Variants in TP73 observed in about 807,000 individuals in gnomAD.
TP73 encodes p53-like transcription factor.
TP73 carries 25 observed loss-of-function variants against 62.5 expected under a neutral mutation model. The observed-to-expected ratio is 0.40, with a 90% CI of 0.29 to 0.56. The LOEUF (loss-of-function observed/expected upper bound fraction) is 0.56, where lower values mean the gene tolerates loss of function less well. Among genes scored for constraint, TP73 ranks in the 20% least tolerant of loss-of-function variants. The pLI, the probability that TP73 is intolerant of heterozygous loss-of-function variation, is 0.46. For synonymous variants in TP73, 423 were observed against 377.5 expected, an observed-to-expected ratio of 1.12 and a Z score of -1.40; for missense variants, 754 against 913.3, an observed-to-expected ratio of 0.83 and a Z score of 2.25.
At chr1:3,682,521 A>G in intron 2 of TP73, 91 bp downstream of exon 2, 1 of 1,260,084 alleles carries the variant, frequency 7.9e-7, no homozygotes, top group Non-Finnish European at 1.0e-6. Flanking sequence ...ACTGGGCCAG[A>G]GCAGGAGGGG....
chr1:3,707,685 C>G lies in TP73; in HGVS notation c.323C>G (p.Thr108Ser), dbSNP rs776547655. ...PYAQPSSTFDTMSPAPVIPSN... is the reference protein window; with the variant it reads ...PYAQPSSTFDSMSPAPVIPSN... ...GCACAACCCAGCTCCACCTTCGACACCATGTCGCCGGCGCCTGTCATCCCC... is the reference window on the plus strand; with the variant it reads ...GCACAACCCAGCTCCACCTTCGACAGCATGTCGCCGGCGCCTGTCATCCCC... The change falls in exon 4 of 14, where the codon ACC (threonine) becomes AGC (serine). Residue 108 changes from threonine to serine, a missense_variant. Around this residue, in one of 3 missense-constraint regions of TP73, gnomAD observed 235 missense variants for 251.4 expected, o/e 0.93. Coordinates refer to ENST00000378295, the MANE Select transcript of TP73 (RefSeq NM_005427.4). 6.2e-7 allele frequency: 1 copy of G among 1,613,268 alleles called. No homozygotes were observed. Among genetic ancestry groups the G allele is most frequent in the Non-Finnish European group, 8.5e-7 (1 of 1,179,962 alleles).
At chr1:3,671,883 G>A (rs752853314) in intron 1 of TP73, among the ~76,000 whole-genome samples, 5 of 152,096 alleles carry the variant, frequency 3.3e-5, no homozygotes, top group Admixed American at 6.5e-5. Context: ...GGGAGGTCAC[G>A]GGGCTGAGCG....
chr1:3,723,535 C>T (rs1641272558), intron 6 of TP73, 66 bp downstream of exon 6: 7 of 770,472 alleles, frequency 9.1e-6, no homozygotes, highest in South Asian at 4.2e-5. Context: ...GGAGGGGTCC[C>T]CTGAGGCAGC....
intron 4 of TP73, among the ~76,000 whole-genome samples, chr1:3,715,308 C>T (rs1640501642): frequency 6.6e-6 from 1 of 152,110 alleles, no homozygotes; most frequent in South Asian, 2.1e-4. Context: ...CTCTGCAGTG[C>T]CCAGTCTTCC....
rs1431217220 is a variant in TP73, at chr1:3,670,852, C to T, written c.-33-11481C>T. ...CATGGATTCTGTCATCGCTTCTTCA[C>T]GGAGCACCTACTGTGTGCCAGGCGG... On this transcript the variant is annotated intron_variant, in intron 1 of 13. Coordinates refer to ENST00000378295, the MANE Select transcript of TP73 (RefSeq NM_005427.4). The surrounding 1 kb of genome is among the most constrained non-coding windows in gnomAD (Gnocchi z 5.9). Among the ~76,000 whole-genome samples the T allele has an allele frequency of 6.6e-6, 1 of 152,182 alleles. No individual in the cohort carries two copies. Among genetic ancestry groups the T allele is most frequent in the African/African-American group, 2.4e-5 (1 of 41,428 alleles).
rs544280368 is a variant in TP73 at position 3,725,194 on chromosome 1, C to T, written c.732+1725C>T. On this transcript the variant is annotated intron_variant, in intron 6 of 13. Coordinates refer to ENST00000378295, the MANE Select transcript of TP73 (RefSeq NM_005427.4). ...CACAAAATCTGTGCAGGCACACTCA[C>T]ACCCAGCATCTGGGCTTGACCTCCA... Among the ~76,000 whole-genome samples, 161 of 152,236 alleles carry T rather than the reference C, an allele frequency of 1.1e-3. 6 individuals are homozygous for T. In the South Asian group the frequency reaches 0.033, roughly 31 times the overall value.
At position 3,662,058 on chromosome 1, in the gene TP73, C is replaced by CA. The variant is rs34860315; in HGVS notation, c.-34+9428dup. 0.18 allele frequency: 25,981 copies of CA among 140,568 alleles called. 2,342 individuals carry two copies. The highest frequency in any genetic ancestry group is 0.24 in the Admixed American group (3,450 of 14,116). 8.7% of individuals were successfully genotyped at this position (140,568 alleles called of 1,614,324 possible). A position where few individuals can be genotyped will look rare whatever the true frequency, so the allele number is the denominator to read the frequency against. ...TGGGTGACAGAGTGAGACCCTGTCTCAAAAAAAAAAAGAACTAGTTCACAC... is the reference window on the plus strand; with the variant it reads ...TGGGTGACAGAGTGAGACCCTGTCTCAAAAAAAAAAAAGAACTAGTTCACAC... On this transcript the variant is annotated intron_variant, in intron 1 of 13. Coordinates refer to ENST00000378295, the MANE Select transcript of TP73 (RefSeq NM_005427.4). The surrounding 1 kb of genome is among the most constrained non-coding windows in gnomAD (Gnocchi z 4.4).
intron 4 of TP73, among the ~76,000 whole-genome samples, chr1:3,719,840 G>C (rs916546681): frequency 1.3e-5 from 2 of 152,040 alleles, no homozygotes; most frequent in African/African-American, 2.4e-5. Flanking sequence ...GCCCGCACAG[G>C]GGTGGGCTGC....
intron 6 of TP73, among the ~76,000 whole-genome samples, chr1:3,724,963 G>A (rs1012602869): frequency 6.6e-6 from 1 of 151,988 alleles, no homozygotes; most frequent in Non-Finnish European, 1.5e-5. Context: ...AAGTTGCAGT[G>A]AGCCAAGATC....
chr1:3,676,615 C>T (rs540782132), intron 1 of TP73, among the ~76,000 whole-genome samples: 1 of 152,064 alleles, frequency 6.6e-6, no homozygotes, highest in South Asian at 2.1e-4. Flanking sequence ...CTCCTCCCCA[C>T]AGGGCAGAGG....
At chr1:3,710,033 T>C (rs1021937239) in intron 4 of TP73, among the ~76,000 whole-genome samples, 13 of 152,174 alleles carry the variant, frequency 8.5e-5, no homozygotes, top group Admixed American at 1.3e-4. Flanking sequence ...TGCCTTGTCC[T>C]GCAGGACGGG....
chr1:3,674,779 G>C (rs996683967), intron 1 of TP73, among the ~76,000 whole-genome samples: 1 of 152,210 alleles, frequency 6.6e-6, no homozygotes, highest in African/African-American at 2.4e-5. Flanking sequence ...TGGCACAGAG[G>C]GCCCCAGGAG....
intron 3 of TP73, among the ~76,000 whole-genome samples, chr1:3,705,408 G>C (rs1165663374): frequency 6.6e-6 from 1 of 152,262 alleles, no homozygotes. Flanking sequence ...CAGTGGTGCC[G>C]GAGAGGTGGG....
At chr1:3,653,373 C>A (rs1174681487) in intron 1 of TP73, among the ~76,000 whole-genome samples, 3 of 152,256 alleles carry the variant, frequency 2.0e-5, no homozygotes, top group Non-Finnish European at 4.4e-5. Flanking sequence ...CCTGCAGCCC[C>A]TGCCTTTCCC....
chr1:3,661,385 A>C (rs1644983793), intron 1 of TP73, among the ~76,000 whole-genome samples: 1 of 152,294 alleles, frequency 6.6e-6, no homozygotes, highest in African/African-American at 2.4e-5. Context: ...ATATTCAAAG[A>C]GAAATGCAGA....
intron 12 of TP73, 145 bp from the exon 13 acceptor site, chr1:3,731,318 G>A (rs569981243): frequency 1.0e-6 from 1 of 953,460 alleles, no homozygotes; most frequent in East Asian, 2.6e-5. Context: ...CTCCCTGAGG[G>A]ATGCCGTGGC....
At chr1:3,664,720 T>A (rs186054920) in intron 1 of TP73, among the ~76,000 whole-genome samples, 1 of 152,110 alleles carries the variant, frequency 6.6e-6, no homozygotes, top group Non-Finnish European at 1.5e-5. Flanking sequence ...TGTGAGATGG[T>A]TGGGGGGCAG....
Position 3,687,364 on chromosome 1 carries a change from C to T in TP73, c.186+4184C>T, listed in dbSNP as rs185143141. 3.9e-4 allele frequency among the ~76,000 whole-genome samples: 60 copies of T among 152,328 alleles called. 1 individual carries two copies. The East Asian group carries it at 9.1e-3, about 23-fold the overall frequency. On this transcript the variant is annotated intron_variant, in intron 3 of 13. Coordinates refer to ENST00000378295, the MANE Select transcript of TP73 (RefSeq NM_005427.4). ...GGGTGGGGTCTGCCCTGGCCACCCC[C>T]ACACCGTCTGGGAAGAGCTGCAGAG...
At chr1:3,677,762 T>C (rs1219036122) in intron 1 of TP73, among the ~76,000 whole-genome samples, 1 of 150,442 alleles carries the variant, frequency 6.6e-6, no homozygotes, top group South Asian at 2.1e-4. Context: ...GGTGCAATCA[T>C]GGCTCACTGC....
Sources: gnomAD v4.1 joint callset for allele counts (sites outside exome capture counted in the v4.1 genomes callset) on GRCh38, gnomAD v4.1.1 for gene constraint, gnomAD v4.1.1 regional missense constraint, Gnocchi (gnomAD v3.1) non-coding constraint, MANE v1.5 for transcripts, NCBI Gene and HGNC (gene_info 2026-07-23, HGNC 2026-07-21) for gene names.